Variants in TBX15 observed in about 807,000 individuals in gnomAD.
TBX15 encodes T-box transcription factor 15, also known as T-box transcription factor TBX15.
TBX15 carries 18 observed loss-of-function variants against 53.9 expected under a neutral mutation model. The observed-to-expected ratio is 0.33, with a 90% confidence interval of 0.23 to 0.49. The LOEUF is 0.49. Ranked by LOEUF, TBX15 falls within the 20% of genes least tolerant of loss-of-function variation. TBX15 has a pLI of 0.98. For synonymous variants in TBX15, 295 were observed against 278.0 expected, an observed-to-expected ratio of 1.06 and a Z score of -0.61; for missense variants, 692 against 749.5, an observed-to-expected ratio of 0.92 and a Z score of 0.90.
chr1:118,962,578 C>T (rs983911054), intron 1 of TBX15, among the ~76,000 whole-genome samples: 14 of 152,126 alleles, frequency 9.2e-5, no homozygotes, highest in African/African-American at 2.9e-4. Flanking sequence ...ACCTCACTAC[C>T]TCTAATCAAT....
intron 1 of TBX15, among the ~76,000 whole-genome samples, chr1:118,952,118 G>A (rs1041704893): frequency 3.3e-5 from 5 of 152,034 alleles, no homozygotes; most frequent in African/African-American, 1.2e-4. Flanking sequence ...AAGGATGAAG[G>A]CCTGTGATAA....
At chr1:118,975,451 C>G (rs558008088) in intron 1 of TBX15, among the ~76,000 whole-genome samples, 2 of 152,330 alleles carry the variant, frequency 1.3e-5, no homozygotes, top group African/African-American at 4.8e-5. Flanking sequence ...TAAATTTCCA[C>G]CTACAAAGGT....
chr1:118,912,402 A>G (rs369942439), intron 6 of TBX15, among the ~76,000 whole-genome samples: 1 of 152,136 alleles, frequency 6.6e-6, no homozygotes, highest in Non-Finnish European at 1.5e-5. Flanking sequence ...TTTACCTACA[A>G]TATCTGGAAC....
At chr1:118,897,703 G>C (rs1336183828) in intron 7 of TBX15, among the ~76,000 whole-genome samples, 1 of 152,108 alleles carries the variant, frequency 6.6e-6, no homozygotes, top group East Asian at 1.9e-4. Context: ...AGATTTTCCT[G>C]AGTCTCTTTA....
Position 118,988,111 on chromosome 1 carries a change from A to T in TBX15, c.-316T>A. 1 of 411,844 alleles carries T rather than the reference A, an allele frequency of 2.4e-6. No homozygotes were observed. The highest frequency in any genetic ancestry group is 4.0e-5 in the South Asian group (1 of 25,190). 25.5% of individuals were successfully genotyped at this position (411,844 alleles called of 1,614,324 possible). The stretch of plus-strand genomic sequence containing the variant: ...GGCGCTCACAGACTGTGTCCACTGA[A>T]CTTCATCTTGTTTTTGTTATTATTA... On this transcript the variant is annotated 5_prime_UTR_variant, in exon 1 of 8. Transcript: ENST00000369429.
At chr1:118,961,275 T>G (rs1228069993) in intron 1 of TBX15, among the ~76,000 whole-genome samples, 1 of 152,238 alleles carries the variant, frequency 6.6e-6, no homozygotes, top group Non-Finnish European at 1.5e-5. Context: ...CAGAGAATGG[T>G]GTTTATTCAT....
chr1:118,988,862 A>G (rs1240835588), upstream of TBX15, among the ~76,000 whole-genome samples: 1 of 152,260 alleles, frequency 6.6e-6, no homozygotes. Flanking sequence ...GCAAAAGGAA[A>G]CAAACAAACA....
intron 5 of TBX15, among the ~76,000 whole-genome samples, chr1:118,919,122 A>G (rs1363801655): frequency 1.3e-5 from 2 of 152,210 alleles, no homozygotes; most frequent in Non-Finnish European, 2.9e-5. Context: ...CATGTAGCCA[A>G]TTCTCATCAA....
intron 1 of TBX15, among the ~76,000 whole-genome samples, chr1:118,938,540 T>C (rs1438622266): frequency 6.6e-6 from 1 of 152,226 alleles, no homozygotes; most frequent in Non-Finnish European, 1.5e-5. Flanking sequence ...CATTAAAGTT[T>C]CAACCTCTGT....
At chr1:118,976,764 T>A (rs1412408049) in intron 1 of TBX15, among the ~76,000 whole-genome samples, 1 of 152,210 alleles carries the variant, frequency 6.6e-6, no homozygotes, top group Non-Finnish European at 1.5e-5. Context: ...TCGTCTTTAT[T>A]AGCCACAGGT....
At position 118,931,809 on chromosome 1, in the gene TBX15, C is replaced by A; in HGVS notation, c.229G>T (p.Asp77Tyr). 6.3e-7 allele frequency: 1 copy of A among 1,588,388 alleles called. No homozygotes were observed. The highest frequency in any genetic ancestry group is 1.1e-5 in the South Asian group (1 of 88,528). Residue 77 changes from aspartate (D) to tyrosine (Y), a missense_variant, in exon 2 of 8, where the codon GAT becomes TAT. Physicochemically the swap from Asp to Tyr is radical, Grantham distance 160. Transcript: ENST00000369429. ...HPDSEQSTGSDSEVLTERTSC... is the reference protein window; with the variant it reads ...HPDSEQSTGSYSEVLTERTSC... Reference sequence around the variant, plus strand: ...GTCCGCTCAGTGAGGACCTCAGAATCTGAACCAGTGCTCTGCTCAGAATCT... The same window carrying A: ...GTCCGCTCAGTGAGGACCTCAGAATATGAACCAGTGCTCTGCTCAGAATCT...
At chr1:118,934,405 G>A (rs1000337940) in intron 1 of TBX15, among the ~76,000 whole-genome samples, 4 of 152,034 alleles carry the variant, frequency 2.6e-5, no homozygotes, top group Non-Finnish European at 4.4e-5. Context: ...ATTCTATAAG[G>A]GTTTATAGTT....
rs1038217162 is a variant in TBX15 at position 118,899,192 on chromosome 1, A to T, written c.927-67T>A. ...CAAGAAATGCATTGACTTTTCAGAG[A>T]TCCAGAGGTGGACTGTCAAACAGGT... is the stretch of plus-strand genomic sequence containing the variant. On this transcript the variant is annotated intron_variant, in intron 6 of 7. Coordinates refer to ENST00000369429, the MANE Select transcript of TBX15 (RefSeq NM_001330677.2). The T allele has an allele frequency of 2.6e-5, 37 of 1,397,258 alleles. 1 individual carries two copies. The highest frequency in any genetic ancestry group is 3.5e-5 in the Non-Finnish European group (35 of 990,078). The allele number at this position is 1,397,258 out of a possible 1,614,324, so 86.6% of individuals were successfully genotyped here. A position where few individuals can be genotyped will look rare whatever the true frequency, so the allele number is the denominator to read the frequency against.
At chr1:118,963,412 G>C (rs1656941462) in intron 1 of TBX15, among the ~76,000 whole-genome samples, 1 of 152,190 alleles carries the variant, frequency 6.6e-6, no homozygotes, top group African/African-American at 2.4e-5. Context: ...ACCTTCCCTA[G>C]TGATAGTACA....
At chr1:118,940,281 A>G (rs1656129308) in intron 1 of TBX15, among the ~76,000 whole-genome samples, 1 of 151,984 alleles carries the variant, frequency 6.6e-6, no homozygotes, top group South Asian at 2.1e-4. Context: ...TCATCAACTT[A>G]ACATTATTTA....
In TBX15 at chr1:118,914,089, A is replaced by G. The variant is rs1389881315; in HGVS notation, c.926+26T>C. 3.7e-6 allele frequency: 6 copies of G among 1,612,156 alleles called. No individual in the cohort carries two copies. In the South Asian group the frequency reaches 6.6e-5, roughly 18 times the overall value. On this transcript the variant is annotated intron_variant, in intron 6 of 7. Coordinates refer to ENST00000369429, the MANE Select transcript of TBX15 (RefSeq NM_001330677.2). ...GGGAAGTAATGTCACATAGAAAAGA[A>G]GTGCCTCTTCCCCAGTGATTCTTAC... is the stretch of plus-strand genomic sequence containing the variant.
At chr1:118,916,129 T>C (rs768493285) in intron 5 of TBX15, among the ~76,000 whole-genome samples, 2 of 152,222 alleles carry the variant, frequency 1.3e-5, no homozygotes, top group Non-Finnish European at 2.9e-5. Flanking sequence ...GTACAGCCAG[T>C]GTATAGCTGT....
intron 1 of TBX15, among the ~76,000 whole-genome samples, chr1:118,961,850 A>G (rs2101680464): frequency 6.6e-6 from 1 of 152,318 alleles, no homozygotes; most frequent in South Asian, 2.1e-4. Flanking sequence ...AGGTATGTAC[A>G]GTCCAAGTGC....
chr1:118,972,882 G>A (rs1657279145), intron 1 of TBX15, among the ~76,000 whole-genome samples: 1 of 152,166 alleles, frequency 6.6e-6, no homozygotes, highest in Non-Finnish European at 1.5e-5. Context: ...TTACAGGCCT[G>A]AGCCACCATG....
Sources: allele counts gnomAD v4.1 joint callset (sites outside exome capture counted in the v4.1 genomes callset), GRCh38; gene constraint gnomAD v4.1.1; transcripts MANE v1.5; gene names NCBI Gene and HGNC (gene_info 2026-07-23, HGNC 2026-07-21).